Variants in KCTD9 observed in about 807,000 individuals in gnomAD.
KCTD9 encodes potassium channel tetramerization domain containing 9.
A neutral mutation model predicts 53.3 loss-of-function variants in KCTD9; 17 were observed. The ratio of observed to expected loss-of-function variants is 0.32; its 90% confidence interval spans 0.22 to 0.48. The LOEUF (loss-of-function observed/expected upper bound fraction) is 0.48. Ranked by LOEUF, KCTD9 falls within the 20% of genes least tolerant of loss-of-function variation. KCTD9 has a pLI of 0.99. For synonymous variants in KCTD9, 128 were observed against 162.7 expected, an observed-to-expected ratio of 0.79 and a Z score of 1.62; for missense variants, 179 against 465.5, an observed-to-expected ratio of 0.38 and a Z score of 5.66.
In KCTD9 at chr8:25,449,476, A is replaced by C. The variant is rs139000837; in HGVS notation, c.49-3226T>G. ...CTGTATTATGCTTAATACTTAATGT[A>C]ATATTATAGCTTAAGATCTTATATG... On this transcript the variant is annotated intron_variant, in intron 1 of 11. Transcript: ENST00000221200. 1.4e-4 allele frequency among the ~76,000 whole-genome samples: 22 copies of C among 152,280 alleles called. No homozygotes were observed. The East Asian group carries it at 3.7e-3, about 25-fold the overall frequency.
At chr8:25,430,280 G>A (rs1801902590) in intron 11 of KCTD9, among the ~76,000 whole-genome samples, 1 of 152,182 alleles carries the variant, frequency 6.6e-6, no homozygotes, top group Non-Finnish European at 1.5e-5. Context: ...CTGGGCCACA[G>A]ACTGATACTG....
intron 9 of KCTD9, among the ~76,000 whole-genome samples, chr8:25,433,858 T>C (rs1371777244): frequency 1.3e-5 from 2 of 152,178 alleles, no homozygotes; most frequent in Non-Finnish European, 2.9e-5. Context: ...TGTAGGAATC[T>C]TGATGTTCTA....
intron 10 of KCTD9, 63 bp from the exon 11 acceptor site, chr8:25,432,700 A>C: frequency 6.9e-6 from 10 of 1,449,238 alleles, no homozygotes; most frequent in Non-Finnish European, 9.3e-6. Context: ...CTTCAACAGA[A>C]CTGCAAGATG....
At chr8:25,435,554 C>A in intron 8 of KCTD9, 42 bp from the exon 9 acceptor site, 1 of 1,545,266 alleles carries the variant, frequency 6.5e-7, no homozygotes, top group South Asian at 1.2e-5. Flanking sequence ...ACTAAATCGT[C>A]TGTTTGTATT....
intron 1 of KCTD9, among the ~76,000 whole-genome samples, chr8:25,449,427 T>C (rs1012325255): frequency 5.9e-5 from 9 of 152,326 alleles, no homozygotes; most frequent in South Asian, 2.1e-4. Flanking sequence ...TACCAAAAAA[T>C]AGATGCAAGT....
intron 1 of KCTD9, among the ~76,000 whole-genome samples, chr8:25,453,787 A>G (rs1258223352): frequency 2.0e-5 from 3 of 152,146 alleles, no homozygotes; most frequent in African/African-American, 7.2e-5. Flanking sequence ...ATAACATGCT[A>G]CTTCTTGGGT....
intron 10 of KCTD9, 82 bp downstream of exon 10, chr8:25,433,248 C>A: frequency 2.7e-6 from 2 of 730,348 alleles, no homozygotes; most frequent in Admixed American, 2.5e-5. Context: ...TCCTGTTTCA[C>A]CCTTAACAAT....
chr8:25,447,692 T>C (rs1283605369), intron 1 of KCTD9, among the ~76,000 whole-genome samples: 1 of 152,194 alleles, frequency 6.6e-6, no homozygotes, highest in Non-Finnish European at 1.5e-5. Flanking sequence ...GCTGGGGCAT[T>C]TTGGAAAGTG....
intron 1 of KCTD9, among the ~76,000 whole-genome samples, chr8:25,448,591 T>TAC (rs896858406): frequency 6.6e-6 from 1 of 152,202 alleles, no homozygotes; most frequent in Non-Finnish European, 1.5e-5. Context: ...CACAGTGTCC[T>TAC]ACACACAGCA....
At chr8:25,431,393 T>G (rs917710538) in intron 11 of KCTD9, among the ~76,000 whole-genome samples, 1 of 152,174 alleles carries the variant, frequency 6.6e-6, no homozygotes, top group African/African-American at 2.4e-5. Flanking sequence ...TTGAAGCTAT[T>G]TCTTAATTTG....
chr8:25,434,248 C>T, intron 9 of KCTD9, among the ~76,000 whole-genome samples: 1 of 152,086 alleles, frequency 6.6e-6, no homozygotes, highest in Non-Finnish European at 1.5e-5. Flanking sequence ...TACAGGCATG[C>T]ACCACCACGC....
At chr8:25,436,170 A>G (rs1041616518) in intron 8 of KCTD9, 65 bp downstream of exon 8, 1 of 1,006,818 alleles carries the variant, frequency 9.9e-7, no homozygotes, top group African/African-American at 1.6e-5. Flanking sequence ...AAACACTAGA[A>G]GAATGTAAAA....
chr8:25,439,029 G>A (rs113277158), intron 6 of KCTD9, among the ~76,000 whole-genome samples: 2 of 152,304 alleles, frequency 1.3e-5, no homozygotes, highest in African/African-American at 4.8e-5. Flanking sequence ...TAAAGTTGAT[G>A]CGTATGGCTT....
chr8:25,439,514 A>G (rs1192295024), intron 5 of KCTD9, 92 bp downstream of exon 5: 2 of 1,556,588 alleles, frequency 1.3e-6, no homozygotes, highest in East Asian at 4.5e-5. Flanking sequence ...AAAAACTGAC[A>G]TAATTAGTAA....
At chr8:25,455,392 T>A (rs1255380263) in intron 1 of KCTD9, among the ~76,000 whole-genome samples, 3 of 152,170 alleles carry the variant, frequency 2.0e-5, no homozygotes, top group Non-Finnish European at 4.4e-5. Context: ...GGCTAATATT[T>A]CAAAGAATAA....
intron 4 of KCTD9, 196 bp from the exon 5 acceptor site, chr8:25,439,860 T>C: frequency 6.9e-6 from 8 of 1,157,398 alleles, no homozygotes; most frequent in South Asian, 2.1e-5. Flanking sequence ...CTTCCTTTGA[T>C]TTAAACATTG....
chr8:25,452,235 T>C (rs975711469), intron 1 of KCTD9, among the ~76,000 whole-genome samples: 17 of 152,138 alleles, frequency 1.1e-4, no homozygotes, highest in African/African-American at 3.6e-4. Flanking sequence ...GATGAGATAA[T>C]TAACTCTAAG....
At chr8:25,458,072 C>A (rs1802506320) in intron 1 of KCTD9, 127 bp downstream of exon 1, 2 of 946,190 alleles carry the variant, frequency 2.1e-6, no homozygotes, top group Non-Finnish European at 3.2e-6. Flanking sequence ...CCCCGAGCGC[C>A]CCCAGCCCGC....
rs1801887125 is a variant in KCTD9 at position 25,429,215 on chromosome 8, G to C, written c.*642C>G. On this transcript the variant is annotated 3_prime_UTR_variant, in exon 12 of 12. Transcript: ENST00000221200. ...ACAATGATGTCTTTCTTTCCACTCT[G>C]TCTCAATCAGTAAGAACTGGATATT... The C allele has an allele frequency of 6.6e-6, 1 of 152,386 alleles. No individual in the cohort carries two copies. Among genetic ancestry groups the C allele is most frequent in the South Asian group, 2.1e-4 (1 of 4,826 alleles). The allele number at this position is 152,386 out of a possible 1,614,324, so 9.4% of individuals were successfully genotyped here.
Sources: gnomAD v4.1 joint callset for allele counts (sites outside exome capture counted in the v4.1 genomes callset) on GRCh38, gnomAD v4.1.1 for gene constraint, MANE v1.5 for transcripts, NCBI Gene and HGNC (gene_info 2026-07-23, HGNC 2026-07-21) for gene names.